Variants in PCDHA3 observed in about 807,000 individuals in gnomAD.
PCDHA3 encodes protocadherin alpha-3.
A neutral mutation model predicts 62.2 loss-of-function variants in PCDHA3; 41 were observed. That is an observed-to-expected ratio of 0.66 (90% confidence interval 0.51 to 0.86). The LOEUF is 0.86. PCDHA3 is among the 40% of genes least tolerant of loss of function. PCDHA3 has a pLI of 0.00. For synonymous variants in PCDHA3, 640 were observed against 555.4 expected (o/e 1.15, Z -2.14); for missense variants, 1,304 against 1,241.2 (o/e 1.05, Z -0.76).
chr5:140,868,431 G>T (rs1319024879), intron 1 of PCDHA3: 2 of 152,206 alleles, frequency 1.3e-5, no homozygotes, highest in Non-Finnish European at 2.9e-5. Flanking sequence ...GATGAGAATA[G>T]ATCATGTGGA....
In PCDHA3 at chr5:140,802,405, A is replaced by G. The variant is rs1554122100; in HGVS notation, c.1208A>G (p.Asn403Ser). The G allele has an allele frequency of 1.2e-6, 2 of 1,614,188 alleles. No homozygotes were observed. Among genetic ancestry groups the G allele is most frequent in the Non-Finnish European group, 1.7e-6 (2 of 1,180,026 alleles). The change falls in exon 1 of 4, where the codon AAT becomes AGT. Residue 403 changes from asparagine (N) to serine (S), a missense_variant. Physicochemically the swap from Asn to Ser is conservative, Grantham distance 46. Transcript: ENST00000522353. ...VPFKLVSTFKNYYSLVLDSPL... is the reference protein window; with the variant it reads ...VPFKLVSTFKSYYSLVLDSPL... Reference sequence around the variant, plus strand: ...TTCAAGCTGGTGTCCACCTTCAAGAATTACTACTCATTGGTGCTGGACAGC... The same window carrying G: ...TTCAAGCTGGTGTCCACCTTCAAGAGTTACTACTCATTGGTGCTGGACAGC...
intron 1 of PCDHA3, among the ~76,000 whole-genome samples, chr5:140,957,650 C>T (rs1239447979): frequency 1.3e-5 from 2 of 151,848 alleles, no homozygotes; most frequent in Non-Finnish European, 2.9e-5. Flanking sequence ...CTTAAATATT[C>T]AATCATGGAG....
At chr5:140,911,189 A>T (rs1369810973) in intron 1 of PCDHA3, among the ~76,000 whole-genome samples, 1 of 152,126 alleles carries the variant, frequency 6.6e-6, no homozygotes, top group African/African-American at 2.4e-5. Flanking sequence ...TGGGTTGGGG[A>T]GGACATGTTG....
intron 1 of PCDHA3, chr5:140,823,355 T>C (rs951193537): frequency 1.2e-6 from 2 of 1,612,432 alleles, no homozygotes; most frequent in South Asian, 1.1e-5. Context: ...CACGAGGAAG[T>C]GGAGCTGCTG....
At chr5:140,887,461 T>C (rs2061460929) in intron 1 of PCDHA3, among the ~76,000 whole-genome samples, 1 of 152,226 alleles carries the variant, frequency 6.6e-6, no homozygotes, top group African/African-American at 2.4e-5. Flanking sequence ...TTTTAAAAGA[T>C]ATAATTCAGT....
At chr5:140,808,592 C>T (rs868962455) in intron 1 of PCDHA3, 4 of 1,613,970 alleles carry the variant, frequency 2.5e-6, no homozygotes, top group Non-Finnish European at 2.5e-6. Flanking sequence ...GGAGAACAAC[C>T]CGCCGGGCTG....
At chr5:140,869,391 C>CG (rs2051094995) in intron 1 of PCDHA3, 1 of 1,614,020 alleles carries the variant, frequency 6.2e-7, no homozygotes, top group Non-Finnish European at 8.5e-7. Context: ...AGGAGCTGTG[C>CG]GGGCAGAGCG....
At chr5:140,869,695 A>G (rs2051335232) in intron 1 of PCDHA3, 1 of 1,613,342 alleles carries the variant, frequency 6.2e-7, no homozygotes, top group African/African-American at 1.3e-5. Context: ...TATTTTAAAG[A>G]AGTCTCTGGA....
chr5:140,945,620 C>T (rs1451535910), intron 1 of PCDHA3, among the ~76,000 whole-genome samples: 2 of 152,092 alleles, frequency 1.3e-5, no homozygotes, highest in African/African-American at 4.8e-5. Context: ...CAGCATGGTA[C>T]TGGCATAAAA....
intron 1 of PCDHA3, chr5:140,853,408 AG>A: frequency 1.0e-6 from 1 of 986,092 alleles, no homozygotes; most frequent in Middle Eastern, 5.3e-4. Flanking sequence ...CAAAACAGAG[AG>A]GTGAAAGCAG....
At position 140,967,262 on chromosome 5, in the gene PCDHA3, C is replaced by T; in HGVS notation, c.2395-11687C>T. ...AAGCGAATCGGTGGCGCCTGGAGCG[C>T]GCTTTCACATAGAGAGTGCGCAGGA... On this transcript the variant is annotated intron_variant, in intron 1 of 3. Transcript: ENST00000522353. The T allele has an allele frequency of 1.9e-6, 3 of 1,613,522 alleles. No homozygotes were observed. In the South Asian group the frequency reaches 3.3e-5, roughly 18 times the overall value.
At position 140,884,500 on chromosome 5, in the gene PCDHA3, G is replaced by T. The variant is rs782378726; in HGVS notation, c.2394+80909G>T. 34 of 1,614,122 alleles carry T rather than the reference G, an allele frequency of 2.1e-5. No homozygotes were observed. The South Asian group carries it at 2.5e-4, about 12-fold the overall frequency. On this transcript the variant is annotated intron_variant, in intron 1 of 3. Coordinates refer to ENST00000522353, the MANE Select transcript of PCDHA3 (RefSeq NM_018906.3). ...AGCCCACTCTAGTGTGCTCCAGCGC[G>T]GCAGGGAGTTGGTCGTACTCGCAGC...
In PCDHA3 at chr5:140,957,392, T is replaced by A. The variant is rs1035836709; in HGVS notation, c.2395-21557T>A. Among the ~76,000 whole-genome samples the A allele has an allele frequency of 2.6e-5, 4 of 152,222 alleles. No individual in the cohort carries two copies. In the East Asian group the frequency reaches 5.8e-4, roughly 22 times the overall value. ...TTATTATAGTGTATTGTTATAATTG[T>A]CCTAATTTATTATTATTGTTGTTAA... is the stretch of plus-strand genomic sequence containing the variant. On this transcript the variant is annotated intron_variant, in intron 1 of 3. Coordinates refer to ENST00000522353, the MANE Select transcript of PCDHA3 (RefSeq NM_018906.3).
Position 140,801,748 on chromosome 5 carries a change from G to T in PCDHA3, c.551G>T (p.Arg184Ile). 6.2e-7 allele frequency: 1 copy of T among 1,613,984 alleles called. No homozygotes were observed. Among genetic ancestry groups the T allele is most frequent in the Non-Finnish European group, 8.5e-7 (1 of 1,179,980 alleles). The part of the protein sequence containing the change: ...STEYFTLDVK[R>I]NDEEIKSLGL... Reference sequence around the variant, plus strand: ...GAATATTTTACCTTGGACGTTAAAAGAAATGATGAGGAAATTAAATCCCTT... The same window carrying T: ...GAATATTTTACCTTGGACGTTAAAATAAATGATGAGGAAATTAAATCCCTT... The change falls in exon 1 of 4, where the codon AGA becomes ATA. Residue 184 changes from arginine (R) to isoleucine (I), a missense_variant. By Grantham distance (97) the Arg-to-Ile change is moderately conservative (BLOSUM62 -3). Transcript: ENST00000522353.
intron 1 of PCDHA3, chr5:140,849,556 C>T: frequency 6.3e-7 from 1 of 1,598,518 alleles, no homozygotes; most frequent in Non-Finnish European, 8.6e-7. Context: ...ACTATCAAAA[C>T]GCTCTCGGTT....
chr5:140,844,571 T>G (rs1416812482), intron 1 of PCDHA3, among the ~76,000 whole-genome samples: 1 of 149,562 alleles, frequency 6.7e-6, no homozygotes, highest in Non-Finnish European at 1.5e-5. Context: ...TTCAATAATA[T>G]TCCACATTAA....
At chr5:140,882,407 C>A (rs368121978) in intron 1 of PCDHA3, 48 of 1,614,006 alleles carry the variant, frequency 3.0e-5, no homozygotes, top group Non-Finnish European at 1.3e-5. Flanking sequence ...CTTCGTGGGC[C>A]GCATCGCTCA....
chr5:140,816,013 A>C (rs1254998757), intron 1 of PCDHA3: 1 of 152,094 alleles, frequency 6.6e-6, no homozygotes, highest in African/African-American at 2.4e-5. Flanking sequence ...TAAATTCTTA[A>C]CATTTCTTGG....
intron 1 of PCDHA3, chr5:140,850,180 C>G: frequency 6.3e-7 from 1 of 1,593,798 alleles, no homozygotes; most frequent in African/African-American, 1.3e-5. Flanking sequence ...AACGACAATG[C>G]GCCGGCGCTG....
Sources: allele counts gnomAD v4.1 joint callset (sites outside exome capture counted in the v4.1 genomes callset), GRCh38; gene constraint gnomAD v4.1.1; transcripts MANE v1.5; gene names NCBI Gene and HGNC (gene_info 2026-07-23, HGNC 2026-07-21).